Variants in OC90 observed in about 807,000 individuals in gnomAD.
The protein encoded by OC90 is otoconin 90.
OC90 carries 46 observed loss-of-function variants against 47.3 expected under a neutral mutation model. The observed-to-expected ratio is 0.97, with a 90% confidence interval of 0.77 to 1.24. The LOEUF (loss-of-function observed/expected upper bound fraction) is 1.24. Among genes scored for constraint, OC90 ranks in the 50% most tolerant of loss-of-function variants. The probability of loss-of-function intolerance (pLI) is 0.00; values close to 1 mark genes in which losing one functional copy is unlikely to be tolerated. For missense variants in OC90, 688 were observed against 583.9 expected (o/e 1.18, Z -1.84); for synonymous variants, 271 against 219.5 (o/e 1.23, Z -2.07).
At chr8:132,036,895 T>C (rs531534814) in intron 9 of OC90, among the ~76,000 whole-genome samples, 20 of 152,346 alleles carry the variant, frequency 1.3e-4, no homozygotes, top group Non-Finnish European at 2.2e-4. Context: ...AGCCTATGAT[T>C]TGATAGTGTG....
At chr8:132,036,887 C>T (rs563903971) in intron 9 of OC90, among the ~76,000 whole-genome samples, 1 of 152,282 alleles carries the variant, frequency 6.6e-6, no homozygotes, top group African/African-American at 2.4e-5. Flanking sequence ...CAGTATCCAG[C>T]CTATGATTTG....
chr8:132,041,429 A>G (rs895883059), intron 5 of OC90, 96 bp downstream of exon 5: 3 of 1,140,692 alleles, frequency 2.6e-6, no homozygotes, highest in African/African-American at 3.1e-5. Flanking sequence ...TCCCAAGTCC[A>G]GGGGCTTTTC....
intron 13 of OC90, among the ~76,000 whole-genome samples, chr8:132,028,431 G>C (rs1822793507): frequency 1.3e-5 from 2 of 151,846 alleles, no homozygotes; most frequent in African/African-American, 4.8e-5. Flanking sequence ...GAATCAGGGG[G>C]TTAGAGGTTG....
intron 10 of OC90, among the ~76,000 whole-genome samples, 195 bp from the exon 11 acceptor site, chr8:132,033,359 C>A (rs935733925): frequency 6.6e-6 from 1 of 152,144 alleles, no homozygotes; most frequent in Non-Finnish European, 1.5e-5. Flanking sequence ...CTATGATAAC[C>A]TTAACACTGT....
At chr8:132,051,796 G>C (rs1235812244) in intron 2 of OC90, among the ~76,000 whole-genome samples, 1 of 152,166 alleles carries the variant, frequency 6.6e-6, no homozygotes, top group East Asian at 1.9e-4. Flanking sequence ...GGGAATGGTG[G>C]GGACTGTGGA....
chr8:132,039,114 T>A lies in OC90; in HGVS notation c.467A>T (p.Asp156Val), dbSNP rs1412398485. Residue 156 changes from aspartate to valine, a missense_variant, in exon 7 of 14, where the codon GAC (aspartate) becomes GTC (valine). By Grantham distance (152) the Asp-to-Val change is radical (BLOSUM62 -3). Transcript: ENST00000254627. Reference sequence around the variant, plus strand: ...GGTACACAGCAGGTGCTCACAGTTGTCCTTGGACTCTGCACACAGCAAGAG... The same window carrying A: ...GGTACACAGCAGGTGCTCACAGTTGACCTTGGACTCTGCACACAGCAAGAG... ...VSKKIICESK[D>V]NCEHLLCTCD... 1 of 1,607,204 alleles carries A rather than the reference T, an allele frequency of 6.2e-7. No individual in the cohort carries two copies. The highest frequency in any genetic ancestry group is 1.3e-5 in the African/African-American group (1 of 74,780).
chr8:132,039,997 T>C (rs987283805), intron 6 of OC90, among the ~76,000 whole-genome samples: 1 of 152,212 alleles, frequency 6.6e-6, no homozygotes, highest in Non-Finnish European at 1.5e-5. Context: ...CTGACAATGG[T>C]GAGGACATTC....
chr8:132,036,900 A>G (rs943426425), intron 9 of OC90, among the ~76,000 whole-genome samples: 2 of 152,238 alleles, frequency 1.3e-5, no homozygotes, highest in African/African-American at 4.8e-5. Flanking sequence ...ATGATTTGAT[A>G]GTGTGTGCTG....
chr8:132,039,044 G>T lies in OC90; in HGVS notation c.537C>A (p.Asn179Lys), dbSNP rs1586710476. 6.2e-7 allele frequency: 1 copy of T among 1,613,976 alleles called. No individual in the cohort carries two copies. The highest frequency in any genetic ancestry group is 1.1e-5 in the South Asian group (1 of 91,076). Residue 179 changes from asparagine (N) to lysine (K), a missense_variant, in exon 7 of 14, where the codon AAC (asparagine) becomes AAA (lysine). By Grantham distance (94) the Asn-to-Lys change is moderately conservative. Transcript: ENST00000254627. ...AGGTGTCCAGAAGGTTCAGGGAAGAGTTGAGGCTGGATCGAGCCAAGCACT... is the reference window on the plus strand; with the variant it reads ...AGGTGTCCAGAAGGTTCAGGGAAGATTTGAGGCTGGATCGAGCCAAGCACT... ...AIECLARSSL[N>K]SSLNLLDTSF...
chr8:132,039,178 G>T lies in OC90; in HGVS notation c.458-55C>A, dbSNP rs549548037. The T allele has an allele frequency of 5.2e-6, 8 of 1,547,704 alleles. No homozygotes were observed. In the East Asian group the frequency reaches 1.7e-4, roughly 33 times the overall value. ...AAAGATCTCAGCTGGAATCCCAAGA[G>T]GTAATGCAAGCTCCAAGACTGAGTT... is the stretch of plus-strand genomic sequence containing the variant. On this transcript the variant is annotated intron_variant, in intron 6 of 13. Transcript: ENST00000254627.
At chr8:132,030,406 T>C (rs767565703) in intron 12 of OC90, among the ~76,000 whole-genome samples, 1 of 152,218 alleles carries the variant, frequency 6.6e-6, no homozygotes, top group Non-Finnish European at 1.5e-5. Flanking sequence ...AGCCATATCA[T>C]AACTTACCTG....
chr8:132,032,944 G>C, intron 11 of OC90, 95 bp downstream of exon 11: 1 of 1,361,542 alleles, frequency 7.3e-7, no homozygotes, highest in Non-Finnish European at 1.0e-6. Flanking sequence ...ACCCCCATGA[G>C]AAGGTCACAG....
intron 13 of OC90, among the ~76,000 whole-genome samples, chr8:132,028,622 G>A (rs796745631): frequency 1.2e-4 from 6 of 48,536 alleles, no homozygotes; most frequent in East Asian, 6.9e-4. Flanking sequence ...AAGGAGGAAG[G>A]AAGGAAGGAA....
intron 2 of OC90, among the ~76,000 whole-genome samples, chr8:132,050,727 C>T (rs1007050768): frequency 1.7e-4 from 26 of 152,106 alleles, no homozygotes; most frequent in Middle Eastern, 3.2e-3. Context: ...ATAGGCCGGG[C>T]GCGGTGCCCA....
chr8:132,032,105 C>T, intron 11 of OC90, 53 bp from the exon 12 acceptor site: 1 of 1,556,584 alleles, frequency 6.4e-7, no homozygotes, highest in Non-Finnish European at 8.8e-7. Flanking sequence ...GCAGCTGTCT[C>T]AACAGGAAGG....
chr8:132,050,277 G>C (rs555323552), intron 2 of OC90, among the ~76,000 whole-genome samples: 23 of 152,272 alleles, frequency 1.5e-4, no homozygotes, highest in African/African-American at 5.3e-4. Context: ...GACCCTGAAG[G>C]CCTCAGAGGG....
intron 2 of OC90, among the ~76,000 whole-genome samples, chr8:132,051,216 G>A (rs1823208617): frequency 6.6e-6 from 1 of 152,142 alleles, no homozygotes; most frequent in Admixed American, 6.5e-5. Context: ...CCCCAGCCAA[G>A]TACTCTCACT....
intron 6 of OC90, among the ~76,000 whole-genome samples, chr8:132,039,425 G>A (rs764869333): frequency 4.6e-5 from 7 of 152,114 alleles, no homozygotes; most frequent in African/African-American, 7.2e-5. Context: ...CTCTTGTCTC[G>A]TGCCTGGTCA....
intron 12 of OC90, among the ~76,000 whole-genome samples, chr8:132,031,566 C>T (rs958285618): frequency 1.3e-5 from 2 of 152,154 alleles, no homozygotes; most frequent in South Asian, 4.1e-4. Flanking sequence ...TGCAGATTGG[C>T]CCTCTTGGGG....
Sources: gnomAD v4.1 joint callset for allele counts (sites outside exome capture counted in the v4.1 genomes callset) on GRCh38, gnomAD v4.1.1 for gene constraint, MANE v1.5 for transcripts, NCBI Gene and HGNC (gene_info 2026-07-23, HGNC 2026-07-21) for gene names.